The following SPATA45 variants were observed in gnomAD, a reference collection of about 807,000 sequenced individuals.
SPATA45 encodes spermatogenesis associated 45.
SPATA45 carries 5 observed loss-of-function variants against 7.0 expected under a neutral mutation model. The ratio of observed to expected loss-of-function variants is 0.71; its 90% confidence interval spans 0.37 to 1.50. The LOEUF is 1.50. SPATA45 is among the 40% of genes most tolerant of loss of function. SPATA45 has a pLI of 0.03. For missense variants in SPATA45, 111 were observed against 114.9 expected (o/e 0.97, Z 0.16); for synonymous variants, 40 against 38.7 (o/e 1.03, Z -0.13).
intron 1 of SPATA45, 24 bp from the exon 2 acceptor site, chr1:212,836,211 T>A: frequency 6.9e-7 from 1 of 1,454,158 alleles, no homozygotes; most frequent in Admixed American, 2.0e-5. Context: ...AAAAAATACT[T>A]TCAATTGTCT....
intron 1 of SPATA45, among the ~76,000 whole-genome samples, chr1:212,842,354 G>A (rs1317811096): frequency 6.6e-6 from 1 of 151,890 alleles, no homozygotes; most frequent in East Asian, 2.0e-4. Context: ...CTCCAGCCTG[G>A]GGGACAAGAA....
At chr1:212,846,156 C>A (rs9430104) in intron 1 of SPATA45, among the ~76,000 whole-genome samples, 7 of 152,044 alleles carry the variant, frequency 4.6e-5, no homozygotes, top group African/African-American at 1.5e-4. Flanking sequence ...TCATTCTATA[C>A]GACAAATGCC....
rs1663460792 is a variant in SPATA45 at position 212,830,284 on chromosome 1, G to C, written c.278-23C>G. 2.9e-6 allele frequency: 4 copies of C among 1,380,930 alleles called. No individual in the cohort carries two copies. The African/African-American group carries it at 5.8e-5, about 20-fold the overall frequency. The allele number at this position is 1,380,930 out of a possible 1,614,324, so 85.5% of individuals were successfully genotyped here. A position where few individuals can be genotyped will look rare whatever the true frequency, so the allele number is the denominator to read the frequency against. On this transcript the variant is annotated intron_variant, in intron 2 of 2. Coordinates refer to ENST00000332912, the MANE Select transcript of SPATA45 (RefSeq NM_001024601.3). ...TATCTGAAAAAATAAAAAATAAAAA[G>C]TATTTGTTATATAACTTATAACACA...
chr1:212,841,665 G>C (rs1663687695), intron 1 of SPATA45, among the ~76,000 whole-genome samples: 1 of 141,154 alleles, frequency 7.1e-6, no homozygotes, highest in African/African-American at 2.6e-5. Flanking sequence ...TTAAGAAGGA[G>C]TCTCGCTCTG....
chr1:212,840,280 C>T (rs1258893667), intron 1 of SPATA45, among the ~76,000 whole-genome samples: 5 of 143,466 alleles, frequency 3.5e-5, no homozygotes, highest in Non-Finnish European at 6.3e-5. Flanking sequence ...CGTGGTGGCG[C>T]GCACCTGTAA....
chr1:212,846,726 G>C (rs906706140), intron 1 of SPATA45, among the ~76,000 whole-genome samples: 2 of 152,052 alleles, frequency 1.3e-5, no homozygotes, highest in African/African-American at 4.8e-5. Context: ...GACTCGGCCC[G>C]CCTGCACCCA....
chr1:212,839,369 C>T (rs1663640059), intron 1 of SPATA45, among the ~76,000 whole-genome samples: 1 of 150,974 alleles, frequency 6.6e-6, no homozygotes, highest in Admixed American at 6.6e-5. Context: ...ATAATCCCAG[C>T]ACTTTGGAAA....
rs1037044665 is a variant in SPATA45 at position 212,842,676 on chromosome 1, T to A, written c.-39+4904A>T. Among the ~76,000 whole-genome samples the A allele has an allele frequency of 2.0e-5, 3 of 152,114 alleles. No individual in the cohort carries two copies. The South Asian group carries it at 6.2e-4, about 32-fold the overall frequency. The stretch of plus-strand genomic sequence containing the variant: ...GGCCTCAGTTTCCTGATGTGTTAAA[T>A]GAAAATAATATCCAGGCCAGGTGCG... On this transcript the variant is annotated intron_variant, in intron 1 of 2. Coordinates refer to ENST00000332912, the MANE Select transcript of SPATA45 (RefSeq NM_001024601.3).
intron 2 of SPATA45, among the ~76,000 whole-genome samples, chr1:212,831,958 T>C (rs1052722363): frequency 2.0e-5 from 3 of 151,080 alleles, no homozygotes; most frequent in Non-Finnish European, 4.4e-5. Context: ...ACCCTGCTGT[T>C]TTCTGTTTCC....
chr1:212,840,261 T>G (rs183085834), intron 1 of SPATA45, among the ~76,000 whole-genome samples: 1 of 145,162 alleles, frequency 6.9e-6, no homozygotes, highest in Non-Finnish European at 1.6e-5. Flanking sequence ...AATACAAAAC[T>G]TAGCCGGGCG....
At chr1:212,841,181 T>C (rs1663677401) in intron 1 of SPATA45, among the ~76,000 whole-genome samples, 1 of 151,682 alleles carries the variant, frequency 6.6e-6, no homozygotes, top group African/African-American at 2.4e-5. Context: ...TCTTTTGAGA[T>C]GGGGTCTCAT....
intron 1 of SPATA45, among the ~76,000 whole-genome samples, chr1:212,841,091 C>A (rs1663674194): frequency 6.6e-6 from 1 of 152,180 alleles, no homozygotes; most frequent in African/African-American, 2.4e-5. Context: ...CAGGCATGTG[C>A]CACCACACCC....
chr1:212,833,040 G>A (rs1663519393), intron 2 of SPATA45, among the ~76,000 whole-genome samples: 1 of 151,462 alleles, frequency 6.6e-6, no homozygotes, highest in South Asian at 2.1e-4. Flanking sequence ...AAAGAAAGCT[G>A]GGTAAGGGAT....
At chr1:212,839,120 T>TTA (rs1237910288) in intron 1 of SPATA45, among the ~76,000 whole-genome samples, 6 of 128,194 alleles carry the variant, frequency 4.7e-5, no homozygotes, top group Non-Finnish European at 9.1e-5. Context: ...TAAAATATAT[T>TTA]TATATATATT....
chr1:212,838,025 G>A (rs1328028374), intron 1 of SPATA45, among the ~76,000 whole-genome samples: 1 of 151,682 alleles, frequency 6.6e-6, no homozygotes, highest in Non-Finnish European at 1.5e-5. Context: ...ATGGGGCTGG[G>A]CGTGATGGCT....
intron 1 of SPATA45, among the ~76,000 whole-genome samples, chr1:212,842,120 G>A (rs1027321345): frequency 2.6e-5 from 4 of 151,174 alleles, no homozygotes; most frequent in African/African-American, 9.7e-5. Context: ...GCTCATGCCT[G>A]TAATCCCATC....
intron 2 of SPATA45, among the ~76,000 whole-genome samples, chr1:212,833,028 A>G (rs749597000): frequency 3.3e-5 from 5 of 151,600 alleles, no homozygotes; most frequent in Non-Finnish European, 7.4e-5. Flanking sequence ...CACTGTGGTA[A>G]AAAAGAAAGC....
chr1:212,842,956 G>T (rs1399867069), intron 1 of SPATA45, among the ~76,000 whole-genome samples: 1 of 151,500 alleles, frequency 6.6e-6, no homozygotes, highest in Non-Finnish European at 1.5e-5. Context: ...AATTAGCTGG[G>T]CGTGGTGGCA....
chr1:212,832,863 T>G (rs1158856373), intron 2 of SPATA45, among the ~76,000 whole-genome samples: 1 of 151,552 alleles, frequency 6.6e-6, no homozygotes, highest in Non-Finnish European at 1.5e-5. Flanking sequence ...GGAAAGTATA[T>G]TCCATGTCCC....
Sources: gnomAD v4.1 joint callset for allele counts (sites outside exome capture counted in the v4.1 genomes callset) on GRCh38, gnomAD v4.1.1 for gene constraint, MANE v1.5 for transcripts, NCBI Gene and HGNC (gene_info 2026-07-23, HGNC 2026-07-21) for gene names.